Variants in PARD3 observed in about 807,000 individuals in gnomAD.
PARD3 encodes par-3 family cell polarity regulator.
Under a neutral mutation model 155.4 loss-of-function variants are expected in PARD3, and 75 were observed. The ratio of observed to expected loss-of-function variants is 0.48; its 90% CI spans 0.40 to 0.58. PARD3 has a LOEUF of 0.58. PARD3 is among the 20% of genes least tolerant of loss of function. The pLI is 0.00. For synonymous variants in PARD3, 576 were observed against 610.5 expected (o/e 0.94, Z 0.83); for missense variants, 1,642 against 1,721.7 (o/e 0.95, Z 0.82).
chr10:34,297,631 T>C (rs1956967145), intron 20 of PARD3, among the ~76,000 whole-genome samples: 1 of 152,174 alleles, frequency 6.6e-6, no homozygotes, highest in Non-Finnish European at 1.5e-5. Flanking sequence ...TTGTGGTCTG[T>C]TGTGGGTCTT....
At chr10:34,380,714 T>C (rs1229513057) in intron 9 of PARD3, among the ~76,000 whole-genome samples, 2 of 152,162 alleles carry the variant, frequency 1.3e-5, no homozygotes, top group African/African-American at 2.4e-5. Flanking sequence ...TCATGATTTG[T>C]CAAATATCCT....
intron 1 of PARD3, among the ~76,000 whole-genome samples, chr10:34,807,373 A>C (rs1843538945): frequency 6.6e-6 from 1 of 152,226 alleles, no homozygotes; most frequent in African/African-American, 2.4e-5. Context: ...TATTTTTCTA[A>C]CATCTTTATT....
intron 3 of PARD3, among the ~76,000 whole-genome samples, chr10:34,500,944 C>A (rs1016411397): frequency 2.6e-5 from 4 of 152,136 alleles, no homozygotes; most frequent in African/African-American, 9.7e-5. Context: ...CAAAATTTCC[C>A]ATCTACAGCA....
At chr10:34,542,239 GCACACACACACACGCTTGCATTTACC>G (rs2083687814) in intron 2 of PARD3, among the ~76,000 whole-genome samples, 1 of 144,232 alleles carries the variant, frequency 6.9e-6, no homozygotes. Context: ...GTGTGTGTGT[GCACACACACACACGCTTGCATTTACC>G]CACTGGGCTG....
At chr10:34,302,551 C>T (rs1957204923) in intron 20 of PARD3, among the ~76,000 whole-genome samples, 1 of 152,154 alleles carries the variant, frequency 6.6e-6, no homozygotes, top group African/African-American at 2.4e-5. Flanking sequence ...AGCCACTACC[C>T]TATGCTGCTG....
chr10:34,485,140 C>T (rs2079364998), intron 3 of PARD3, among the ~76,000 whole-genome samples: 1 of 152,136 alleles, frequency 6.6e-6, no homozygotes, highest in African/African-American at 2.4e-5. Context: ...GAGTTCGAGA[C>T]CAGTGTGACC....
intron 1 of PARD3, among the ~76,000 whole-genome samples, chr10:34,711,428 G>A (rs917770476): frequency 6.6e-6 from 1 of 152,162 alleles, no homozygotes; most frequent in African/African-American, 2.4e-5. Context: ...GGCTGAGGCA[G>A]AAGAATCCCT....
intron 2 of PARD3, among the ~76,000 whole-genome samples, chr10:34,573,627 A>C (rs1313875095): frequency 1.3e-5 from 2 of 152,056 alleles, no homozygotes; most frequent in Non-Finnish European, 2.9e-5. Context: ...GAATTGCTTG[A>C]ACCTGGGAGG....
In PARD3 at chr10:34,159,755, C is replaced by T. The variant is rs1949185345; in HGVS notation, c.3420-28172G>A. Among the ~76,000 whole-genome samples the T allele has an allele frequency of 2.6e-5, 4 of 152,174 alleles. No homozygotes were observed. The South Asian group carries it at 8.3e-4, about 32-fold the overall frequency. On this transcript the variant is annotated intron_variant, in intron 22 of 24. Coordinates refer to ENST00000374788, the MANE Select transcript of PARD3 (RefSeq NM_001184785.2). Reference sequence around the variant, plus strand: ...TAGGCACTTGGGCCTCACAACAATTCTAGTAGGTGAGTTCTATTATGCCCA... The same window carrying T: ...TAGGCACTTGGGCCTCACAACAATTTTAGTAGGTGAGTTCTATTATGCCCA...
chr10:34,385,226 T>C (rs999742550), intron 7 of PARD3, among the ~76,000 whole-genome samples: 2 of 152,120 alleles, frequency 1.3e-5, no homozygotes, highest in African/African-American at 2.4e-5. Context: ...CTCCACCACC[T>C]GGGTTCAAGC....
At chr10:34,563,459 C>T (rs955505804) in intron 2 of PARD3, among the ~76,000 whole-genome samples, 10 of 152,020 alleles carry the variant, frequency 6.6e-5, no homozygotes, top group African/African-American at 2.2e-4. Flanking sequence ...CTCCACCTCC[C>T]GGGTTCAAGC....
intron 2 of PARD3, among the ~76,000 whole-genome samples, chr10:34,694,440 A>G (rs186037347): frequency 4.7e-5 from 7 of 149,932 alleles, no homozygotes; most frequent in South Asian, 4.3e-4. Context: ...GAAAAATAGC[A>G]TCAGAACATA....
chr10:34,149,319 AT>A (rs1343405501), intron 22 of PARD3, among the ~76,000 whole-genome samples: 1 of 152,048 alleles, frequency 6.6e-6, no homozygotes, highest in Non-Finnish European at 1.5e-5. Context: ...TTCTTCTTGT[AT>A]TCACAAAATT....
intron 22 of PARD3, among the ~76,000 whole-genome samples, chr10:34,174,430 G>C (rs552142769): frequency 6.6e-6 from 1 of 152,292 alleles, no homozygotes; most frequent in African/African-American, 2.4e-5. Flanking sequence ...TTATGAAACT[G>C]TATTCACTAC....
At chr10:34,347,903 T>A in intron 15 of PARD3, 62 bp downstream of exon 15, 1 of 1,369,896 alleles carries the variant, frequency 7.3e-7, no homozygotes, top group East Asian at 2.4e-5. Context: ...ACCAATAACC[T>A]CTCAGTAAAC....
intron 1 of PARD3, among the ~76,000 whole-genome samples, chr10:34,763,991 A>G (rs925130325): frequency 9.9e-5 from 15 of 152,216 alleles, no homozygotes; most frequent in South Asian, 2.1e-4. Flanking sequence ...ATAAATAGGC[A>G]CTGGTTCCCA....
chr10:34,551,579 A>T (rs2084566941), intron 2 of PARD3, among the ~76,000 whole-genome samples: 1 of 152,148 alleles, frequency 6.6e-6, no homozygotes, highest in South Asian at 2.1e-4. Flanking sequence ...AGCCTCCTGC[A>T]CCCCGACTCC....
chr10:34,299,473 G>A (rs189165290), intron 20 of PARD3, among the ~76,000 whole-genome samples: 2 of 152,280 alleles, frequency 1.3e-5, no homozygotes, highest in East Asian at 1.9e-4. Context: ...TATAGACAAC[G>A]GTGGAAGACA....
chr10:34,547,127 T>C (rs144956103), intron 2 of PARD3, among the ~76,000 whole-genome samples: 13 of 152,238 alleles, frequency 8.5e-5, no homozygotes, highest in African/African-American at 2.2e-4. Context: ...TCTGACATTA[T>C]TGAACAGTTC....
Sources: gnomAD v4.1 joint callset for allele counts (sites outside exome capture counted in the v4.1 genomes callset) on GRCh38, gnomAD v4.1.1 for gene constraint, MANE v1.5 for transcripts, NCBI Gene and HGNC (gene_info 2026-07-23, HGNC 2026-07-21) for gene names.